Variants in NLGN1 observed in about 807,000 individuals in gnomAD.
NLGN1 encodes the protein neuroligin 1.
In NLGN1, 12 loss-of-function variants were observed where a neutral mutation model predicts 65.5. The ratio of observed to expected loss-of-function variants is 0.18; its 90% confidence interval spans 0.12 to 0.30. The LOEUF (loss-of-function observed/expected upper bound fraction) is 0.30, where lower values mean the gene tolerates loss of function less well. Among genes scored for constraint, NLGN1 ranks in the 10% least tolerant of loss-of-function variants. The probability of loss-of-function intolerance (pLI) is 1.00; values close to 1 mark genes in which losing one functional copy is unlikely to be tolerated. For missense variants in NLGN1, 750 were observed against 1,007.1 expected (o/e 0.74, Z 3.46); for synonymous variants, 350 against 359.5 (o/e 0.97, Z 0.30).
intron 4 of NLGN1, among the ~76,000 whole-genome samples, chr3:173,978,046 A>G (rs1467701633): frequency 6.6e-6 from 1 of 152,032 alleles, no homozygotes; most frequent in Non-Finnish European, 1.5e-5. Context: ...AGCCAAGGGG[A>G]GAGAAAATAT....
chr3:173,821,233 G>T (rs1720232456), intron 4 of NLGN1, among the ~76,000 whole-genome samples: 1 of 152,130 alleles, frequency 6.6e-6, no homozygotes, highest in Non-Finnish European at 1.5e-5. Context: ...TTCTGTTCTA[G>T]TATTTGCTAG....
At chr3:173,829,181 G>A (rs749086673) in intron 4 of NLGN1, among the ~76,000 whole-genome samples, 1 of 152,092 alleles carries the variant, frequency 6.6e-6, no homozygotes, top group African/African-American at 2.4e-5. Flanking sequence ...GCAAGAGGGA[G>A]CTTTCATATT....
intron 4 of NLGN1, among the ~76,000 whole-genome samples, chr3:174,029,126 A>C (rs1729416840): frequency 6.6e-6 from 1 of 152,218 alleles, no homozygotes; most frequent in African/African-American, 2.4e-5. Context: ...AGCTGTAAGA[A>C]GAAGGCCACC....
intron 4 of NLGN1, among the ~76,000 whole-genome samples, chr3:174,117,387 C>T (rs1182428275): frequency 1.3e-5 from 2 of 151,780 alleles, no homozygotes; most frequent in African/African-American, 4.8e-5. Context: ...GAGGCCGAGG[C>T]GGGTGGATCA....
At chr3:173,968,720 A>G (rs1163777256) in intron 4 of NLGN1, among the ~76,000 whole-genome samples, 5 of 82,818 alleles carry the variant, frequency 6.0e-5, no homozygotes, top group Non-Finnish European at 8.3e-5. Flanking sequence ...TTTTTTTGAG[A>G]TGGAGCCTTC....
chr3:173,995,264 T>C (rs1722025879), intron 4 of NLGN1, among the ~76,000 whole-genome samples: 1 of 152,192 alleles, frequency 6.6e-6, no homozygotes, highest in Non-Finnish European at 1.5e-5. Flanking sequence ...TAGTGAACTA[T>C]TTGCCATCTC....
At chr3:173,759,701 G>C (rs1032985856) in intron 3 of NLGN1, among the ~76,000 whole-genome samples, 1 of 151,750 alleles carries the variant, frequency 6.6e-6, no homozygotes, top group Non-Finnish European at 1.5e-5. Context: ...TGTAACTATT[G>C]CCATTTTTAT....
chr3:173,838,692 A>G (rs1003896040), intron 4 of NLGN1, among the ~76,000 whole-genome samples: 2 of 152,204 alleles, frequency 1.3e-5, no homozygotes, highest in African/African-American at 4.8e-5. Context: ...AACTTGTGAG[A>G]AAAAGTGGGT....
intron 2 of NLGN1, among the ~76,000 whole-genome samples, chr3:173,589,974 G>A (rs181834739): frequency 9.7e-4 from 148 of 152,210 alleles, no homozygotes; most frequent in Non-Finnish European, 6.3e-4. Context: ...ATGTAATCAA[G>A]TAATATTGAG....
intron 3 of NLGN1, among the ~76,000 whole-genome samples, chr3:173,738,586 A>G (rs1774135735): frequency 6.6e-6 from 1 of 152,110 alleles, no homozygotes; most frequent in Non-Finnish European, 1.5e-5. Flanking sequence ...TCTTGATTCT[A>G]TTCCATTGAT....
chr3:174,026,730 A>G (rs1263733442), intron 4 of NLGN1, among the ~76,000 whole-genome samples: 1 of 152,160 alleles, frequency 6.6e-6, no homozygotes, highest in Non-Finnish European at 1.5e-5. Flanking sequence ...CCCATGCACT[A>G]TTAGGAATGG....
chr3:174,032,620 T>A (rs917084565), intron 4 of NLGN1, among the ~76,000 whole-genome samples: 3 of 152,118 alleles, frequency 2.0e-5, no homozygotes, highest in Non-Finnish European at 2.9e-5. Context: ...GGCTGCAGTC[T>A]TAGAGGAAAG....
At chr3:173,637,640 T>A (rs548012954) in intron 3 of NLGN1, among the ~76,000 whole-genome samples, 31 of 152,158 alleles carry the variant, frequency 2.0e-4, no homozygotes, top group Non-Finnish European at 4.3e-4. Context: ...GATACTATGA[T>A]GTTATGAGGC....
chr3:174,024,139 A>G lies in NLGN1; in HGVS notation c.646+216307A>G, dbSNP rs1728342554. On this transcript the variant is annotated intron_variant, in intron 4 of 6. Coordinates refer to ENST00000457714, the Ensembl canonical transcript of NLGN1. ...GGTTCCCTGGTGTTCCTAGAGTCCT[A>G]TTAAAAAAAAAAAAAAAAAAAAAAA... is the stretch of plus-strand genomic sequence containing the variant. Among the ~76,000 whole-genome samples the G allele has an allele frequency of 3.0e-5, 2 of 67,240 alleles. 1 individual carries two copies. The highest frequency in any genetic ancestry group is 1.6e-3 in the South Asian group (2 of 1,280). The allele number at this position is 67,240 out of a possible 152,430, so 44.1% of individuals were successfully genotyped here.
intron 4 of NLGN1, among the ~76,000 whole-genome samples, chr3:173,995,431 A>G (rs915767635): frequency 9.9e-5 from 15 of 152,148 alleles, no homozygotes; most frequent in African/African-American, 3.6e-4. Context: ...ATGAATCTCT[A>G]TGAATCCTAA....
At chr3:174,100,900 G>T (rs1174411750) in intron 4 of NLGN1, among the ~76,000 whole-genome samples, 2 of 151,158 alleles carry the variant, frequency 1.3e-5, no homozygotes, top group African/African-American at 4.9e-5. Context: ...CTCACAATGG[G>T]GTGTGTCATC....
intron 4 of NLGN1, among the ~76,000 whole-genome samples, chr3:174,127,484 G>A (rs1719191628): frequency 6.6e-6 from 1 of 152,024 alleles, no homozygotes; most frequent in South Asian, 2.1e-4. Context: ...TGCATCAGGT[G>A]TAGGGCTCTG....
intron 3 of NLGN1, among the ~76,000 whole-genome samples, chr3:173,746,351 T>C (rs1423232478): frequency 1.3e-5 from 2 of 152,124 alleles, no homozygotes; most frequent in African/African-American, 4.8e-5. Context: ...TCTGTTCTTA[T>C]TCTCAAGATA....
intron 4 of NLGN1, among the ~76,000 whole-genome samples, chr3:173,860,566 A>C (rs910508547): frequency 6.6e-6 from 1 of 152,326 alleles, no homozygotes; most frequent in East Asian, 1.9e-4. Context: ...AGTAGGAAGA[A>C]AAATGAGTGT....
Sources: allele counts gnomAD v4.1 joint callset (sites outside exome capture counted in the v4.1 genomes callset), GRCh38; gene constraint gnomAD v4.1.1; transcripts MANE v1.5; gene names NCBI Gene and HGNC (gene_info 2026-07-23, HGNC 2026-07-21).